IGF2BP3: variants seen among roughly 807,000 people sequenced by gnomAD.
IGF2BP3 encodes the protein insulin like growth factor 2 mRNA binding protein 3, also known as insulin-like growth factor 2 mRNA-binding protein 3.
In IGF2BP3, 9 loss-of-function variants were observed where a neutral mutation model predicts 73.8. The ratio of observed to expected loss-of-function variants is 0.12; its 90% confidence interval spans 0.07 to 0.21. The LOEUF (loss-of-function observed/expected upper bound fraction) is 0.21, where lower values mean the gene tolerates loss of function less well. Among genes scored for constraint, IGF2BP3 ranks in the 10% least tolerant of loss-of-function variants. The pLI is 1.00. For missense variants in IGF2BP3, 542 were observed against 714.0 expected, an observed-to-expected ratio of 0.76 and a Z score of 2.75; for synonymous variants, 258 against 256.7, an observed-to-expected ratio of 1.01 and a Z score of -0.05.
chr7:23,365,269 A>C (rs149639814), intron 3 of IGF2BP3, among the ~76,000 whole-genome samples: 67 of 152,352 alleles, frequency 4.4e-4, no homozygotes, highest in African/African-American at 1.5e-3. Context: ...GTAGGAAGTA[A>C]TTGCCAATTT....
In IGF2BP3 at chr7:23,313,645, T is replaced by G. The variant is rs1783893633; in HGVS notation, c.1404A>C (p.Gly468=). 1.9e-6 allele frequency: 3 copies of G among 1,613,534 alleles called. No individual in the cohort carries two copies. Among genetic ancestry groups the G allele is most frequent in the African/African-American group, 2.7e-5 (2 of 75,004 alleles). Reference sequence around the variant, plus strand: ...CTTCTTTAATTTTTCCATAAATTCTTCCCTGAGCCTGCAGATGAAAACACA... The same window carrying G: ...CTTCTTTAATTTTTCCATAAATTCTGCCCTGAGCCTGCAGATGAAAACACA... ...GPPEAQFKAQ[G]RIYGKIKEEN... The change falls in exon 13 of 15, where the codon GGA becomes GGC. Residue 468 remains glycine (G), a synonymous_variant. Transcript: ENST00000258729.
At chr7:23,320,365 T>C (rs1018116783) in intron 10 of IGF2BP3, among the ~76,000 whole-genome samples, 1 of 152,144 alleles carries the variant, frequency 6.6e-6, no homozygotes, top group Non-Finnish European at 1.5e-5. Context: ...TTTCAAATAG[T>C]CCTTGCAGGG....
At chr7:23,336,809 A>AT (rs902486484) in intron 10 of IGF2BP3, among the ~76,000 whole-genome samples, 3 of 152,186 alleles carry the variant, frequency 2.0e-5, no homozygotes, top group Non-Finnish European at 4.4e-5. Flanking sequence ...TTAACCAGGC[A>AT]TGGTGCTGCG....
intron 2 of IGF2BP3, among the ~76,000 whole-genome samples, chr7:23,465,625 T>C (rs1362391340): frequency 6.6e-6 from 1 of 152,198 alleles, no homozygotes; most frequent in Non-Finnish European, 1.5e-5. Flanking sequence ...AGCCCATTCA[T>C]CCATCTCAGC....
intron 2 of IGF2BP3, chr7:23,431,071 G>C (rs1016668140): frequency 2.0e-5 from 3 of 152,106 alleles, no homozygotes. Flanking sequence ...ATCACAAAAA[G>C]AACATTCCAA....
intron 2 of IGF2BP3, among the ~76,000 whole-genome samples, chr7:23,433,620 C>T (rs907949984): frequency 6.6e-6 from 1 of 151,950 alleles, no homozygotes; most frequent in African/African-American, 2.4e-5. Flanking sequence ...AGCTAGGATA[C>T]AGGCACACAT....
intron 3 of IGF2BP3, among the ~76,000 whole-genome samples, chr7:23,371,317 G>A (rs1583950037): frequency 6.6e-6 from 1 of 151,570 alleles, no homozygotes; most frequent in Non-Finnish European, 1.5e-5. Context: ...TGGAGATGAA[G>A]GGAACATCCT....
rs913970064 is a variant in IGF2BP3, at chr7:23,330,239, T to A, written c.1204-10985A>T. 3.2e-4 allele frequency among the ~76,000 whole-genome samples: 48 copies of A among 151,714 alleles called. 1 individual carries two copies. The highest frequency in any genetic ancestry group is 4.4e-5 in the Non-Finnish European group (3 of 67,940). On this transcript the variant is annotated intron_variant, in intron 10 of 14. Transcript: ENST00000258729. ...AGGCGGAGGCTACAGTGAGCAGAGA[T>A]CACACCATTGCACTCCAGCCCGGGT... is the stretch of plus-strand genomic sequence containing the variant.
At chr7:23,418,134 C>A (rs1319010612) in intron 3 of IGF2BP3, among the ~76,000 whole-genome samples, 3 of 152,134 alleles carry the variant, frequency 2.0e-5, no homozygotes, top group African/African-American at 7.2e-5. Context: ...ATTAGAGATA[C>A]ATAAAAGCTA....
At chr7:23,418,100 CTAGT>C (rs1205990046) in intron 3 of IGF2BP3, among the ~76,000 whole-genome samples, 1 of 152,166 alleles carries the variant, frequency 6.6e-6, no homozygotes, top group African/African-American at 2.4e-5. Flanking sequence ...ACACACAAAA[CTAGT>C]TAGTCTTGAT....
intron 3 of IGF2BP3, among the ~76,000 whole-genome samples, chr7:23,400,554 C>T (rs979420269): frequency 6.6e-6 from 1 of 152,174 alleles, no homozygotes; most frequent in Non-Finnish European, 1.5e-5. Context: ...AAGCAAGGCA[C>T]GTGATAAAAG....
chr7:23,385,009 G>A (rs956505196), intron 3 of IGF2BP3, among the ~76,000 whole-genome samples: 5 of 152,170 alleles, frequency 3.3e-5, no homozygotes, highest in African/African-American at 9.7e-5. Flanking sequence ...CCCATTATAA[G>A]TTGATAAGCC....
At chr7:23,346,223 A>G in intron 7 of IGF2BP3, 161 bp from the exon 8 acceptor site, 1 of 632,078 alleles carries the variant, frequency 1.6e-6, no homozygotes, top group South Asian at 2.4e-5. Flanking sequence ...CATTCTAGCA[A>G]TGCATGAATA....
chr7:23,459,154 A>T (rs544196766), intron 2 of IGF2BP3, among the ~76,000 whole-genome samples: 1 of 152,234 alleles, frequency 6.6e-6, no homozygotes, highest in South Asian at 2.1e-4. Context: ...CATAGACAGC[A>T]GAAAAGTCTC....
chr7:23,357,292 A>G (rs1279252626), intron 5 of IGF2BP3, among the ~76,000 whole-genome samples: 1 of 146,044 alleles, frequency 6.8e-6, no homozygotes, highest in South Asian at 2.2e-4. Context: ...TTTTTTTTTG[A>G]GACGGAGTTT....
At chr7:23,462,129 G>C (rs1315738815) in intron 2 of IGF2BP3, among the ~76,000 whole-genome samples, 1 of 152,204 alleles carries the variant, frequency 6.6e-6, no homozygotes, top group Non-Finnish European at 1.5e-5. Context: ...ATGGACCTGA[G>C]TGGCACATGT....
chr7:23,387,598 C>T (rs1786127791), intron 3 of IGF2BP3, among the ~76,000 whole-genome samples: 1 of 152,200 alleles, frequency 6.6e-6, no homozygotes, highest in Non-Finnish European at 1.5e-5. Context: ...ACTATCTGTA[C>T]TACTTCCCTG....
At position 23,459,703 on chromosome 7, in the gene IGF2BP3, C is replaced by A. The variant is rs564355071; in HGVS notation, c.236+8779G>T. On this transcript the variant is annotated intron_variant, in intron 2 of 14. Transcript: ENST00000258729. The stretch of plus-strand genomic sequence containing the variant: ...AAAATTAGCTGGGTGTGGTGGTGTG[C>A]GCCTGTAATCTCAGTTACTCGGGAG... 3.3e-5 allele frequency among the ~76,000 whole-genome samples: 5 copies of A among 152,010 alleles called. No individual in the cohort carries two copies. In the South Asian group the frequency reaches 1.0e-3, roughly 32 times the overall value.
At chr7:23,444,560 G>A (rs1023266142) in intron 2 of IGF2BP3, among the ~76,000 whole-genome samples, 4 of 151,888 alleles carry the variant, frequency 2.6e-5, no homozygotes, top group Non-Finnish European at 5.9e-5. Flanking sequence ...GGCCATCATG[G>A]TGAAACCCCC....
Sources: allele counts gnomAD v4.1 joint callset (sites outside exome capture counted in the v4.1 genomes callset), GRCh38; gene constraint gnomAD v4.1.1; transcripts MANE v1.5; gene names NCBI Gene and HGNC (gene_info 2026-07-23, HGNC 2026-07-21).